CDKAL1: variants seen among roughly 807,000 people sequenced by gnomAD.
The protein encoded by CDKAL1 is threonylcarbamoyladenosine tRNA methylthiotransferase.
Under a neutral mutation model 68.2 loss-of-function variants are expected in CDKAL1, and 32 were observed. The observed-to-expected ratio is 0.47, with a 90% CI of 0.35 to 0.63. CDKAL1 has a LOEUF of 0.63. Among genes scored for constraint, CDKAL1 ranks in the 30% least tolerant of loss-of-function variants. The probability of loss-of-function intolerance (pLI) is 0.00; values close to 1 mark genes in which losing one functional copy is unlikely to be tolerated. For missense variants in CDKAL1, 606 were observed against 696.7 expected (o/e 0.87, Z 1.47); for synonymous variants, 234 against 244.3 (o/e 0.96, Z 0.39).
intron 10 of CDKAL1, among the ~76,000 whole-genome samples, chr6:20,989,974 G>T (rs983711201): frequency 6.6e-6 from 1 of 152,176 alleles, no homozygotes; most frequent in African/African-American, 2.4e-5. Flanking sequence ...TCGGCGTGGT[G>T]GTTCACATCT....
At chr6:20,541,693 T>C (rs957231194) in intron 2 of CDKAL1, among the ~76,000 whole-genome samples, 10 of 151,814 alleles carry the variant, frequency 6.6e-5, no homozygotes, top group African/African-American at 2.4e-4. Context: ...AGAGTTTCGC[T>C]CTTGTTGCCC....
At chr6:21,046,966 T>C (rs1253229907) in intron 11 of CDKAL1, among the ~76,000 whole-genome samples, 6 of 152,198 alleles carry the variant, frequency 3.9e-5, no homozygotes, top group African/African-American at 1.4e-4. Context: ...TGTACCCCTT[T>C]CCCCAAAATT....
At chr6:21,129,761 A>G (rs915409349) in intron 13 of CDKAL1, among the ~76,000 whole-genome samples, 12 of 151,618 alleles carry the variant, frequency 7.9e-5, no homozygotes, top group Non-Finnish European at 1.6e-4. Context: ...AAAAATACCT[A>G]GAGTATTTCA....
intron 5 of CDKAL1, among the ~76,000 whole-genome samples, chr6:20,729,100 A>G (rs991507645): frequency 6.6e-6 from 1 of 152,228 alleles, no homozygotes; most frequent in African/African-American, 2.4e-5. Flanking sequence ...AATATTGACC[A>G]GTTGGGTAAA....
intron 10 of CDKAL1, among the ~76,000 whole-genome samples, chr6:20,988,263 G>T (rs1283122277): frequency 6.8e-6 from 1 of 147,238 alleles, no homozygotes; most frequent in Non-Finnish European, 1.5e-5. Flanking sequence ...TGTTTAATTT[G>T]AGCCCTCAAA....
chr6:20,809,989 A>G (rs899555156), intron 8 of CDKAL1, among the ~76,000 whole-genome samples: 1 of 152,212 alleles, frequency 6.6e-6, no homozygotes, highest in Non-Finnish European at 1.5e-5. Flanking sequence ...AAGATAGATG[A>G]AGACATTTCT....
intron 4 of CDKAL1, among the ~76,000 whole-genome samples, chr6:20,635,807 A>G (rs1767880190): frequency 6.6e-6 from 1 of 152,234 alleles, no homozygotes; most frequent in Non-Finnish European, 1.5e-5. Flanking sequence ...ACAGAAGAAA[A>G]ACATTCAAAT....
chr6:20,951,858 C>CT (rs999153462), intron 9 of CDKAL1, among the ~76,000 whole-genome samples: 3 of 151,364 alleles, frequency 2.0e-5, no homozygotes, highest in African/African-American at 7.3e-5. Flanking sequence ...CCACCACTTT[C>CT]TTTTTTTGCA....
At chr6:21,107,674 T>C (rs890758445) in intron 12 of CDKAL1, among the ~76,000 whole-genome samples, 1 of 151,768 alleles carries the variant, frequency 6.6e-6, no homozygotes, top group Non-Finnish European at 1.5e-5. Context: ...TCAAGTGATA[T>C]ACCTGCCTCG....
chr6:20,862,267 C>T (rs902312458), intron 9 of CDKAL1, among the ~76,000 whole-genome samples: 1 of 152,292 alleles, frequency 6.6e-6, no homozygotes, highest in Non-Finnish European at 1.5e-5. Flanking sequence ...GCCGTTATAT[C>T]ACGGAGTAAT....
chr6:20,889,468 T>A (rs1288625530), intron 9 of CDKAL1, among the ~76,000 whole-genome samples: 3 of 152,142 alleles, frequency 2.0e-5, no homozygotes, highest in Non-Finnish European at 2.9e-5. Flanking sequence ...CTGAATGGTA[T>A]TGCCTAGGTT....
chr6:20,586,937 A>G (rs967783262), intron 4 of CDKAL1, among the ~76,000 whole-genome samples: 4 of 140,132 alleles, frequency 2.9e-5, no homozygotes, highest in African/African-American at 1.1e-4. Flanking sequence ...ATATGCTTGC[A>G]CTTGCTATTC....
intron 12 of CDKAL1, among the ~76,000 whole-genome samples, chr6:21,068,487 TATC>T (rs2150938049): frequency 6.6e-6 from 1 of 152,262 alleles, no homozygotes; most frequent in African/African-American, 2.4e-5. Context: ...TTATTGAAAA[TATC>T]ATTCTTGTCT....
chr6:21,202,877 C>T (rs920975049), intron 15 of CDKAL1, among the ~76,000 whole-genome samples: 1 of 152,174 alleles, frequency 6.6e-6, no homozygotes, highest in Non-Finnish European at 1.5e-5. Flanking sequence ...AGTTCTACCA[C>T]CAGCCCAGCT....
intron 6 of CDKAL1, chr6:20,756,708 T>G (rs1295716910): frequency 6.6e-6 from 1 of 152,232 alleles, no homozygotes. Context: ...GGCTGAGTGG[T>G]CAGACGTAGA....
chr6:21,135,838 T>C (rs1219175274), intron 13 of CDKAL1: 1 of 219,858 alleles, frequency 4.5e-6, no homozygotes, highest in East Asian at 1.8e-4. Context: ...GGGGGAGGCA[T>C]GAACAGATGG....
At chr6:21,108,354 C>T (rs1323234955) in intron 12 of CDKAL1, 47 bp from the exon 13 acceptor site, 1 of 1,307,010 alleles carries the variant, frequency 7.7e-7, no homozygotes, top group Admixed American at 1.8e-5. Flanking sequence ...GCTGTCAACT[C>T]AATTGTTTGT....
chr6:20,674,165 CTCATT>C (rs1368682922), intron 5 of CDKAL1, among the ~76,000 whole-genome samples: 1 of 152,016 alleles, frequency 6.6e-6, no homozygotes. Context: ...TTATGGTACT[CTCATT>C]TCATTTGGAA....
chr6:20,536,102 CTTT>C lies in CDKAL1; in HGVS notation c.-6+722_-6+724del, dbSNP rs34025398. 7.2e-3 allele frequency among the ~76,000 whole-genome samples: 990 copies of C among 138,198 alleles called. 6 individuals are homozygous for C. The highest frequency in any genetic ancestry group is 0.011 in the Non-Finnish European group (735 of 64,034). The allele number at this position is 138,198 out of a possible 152,430, so 90.7% of individuals were successfully genotyped here. On this transcript the variant is annotated intron_variant, in intron 2 of 15. Transcript: ENST00000274695. ...TGCCACCATGCCCGGCTAAATTTTA[CTTT>C]TTTTTTTTTTTTTGTAGCGATAGGG...
Sources: gnomAD v4.1 joint callset for allele counts (sites outside exome capture counted in the v4.1 genomes callset) on GRCh38, gnomAD v4.1.1 for gene constraint, MANE v1.5 for transcripts, NCBI Gene and HGNC (gene_info 2026-07-23, HGNC 2026-07-21) for gene names.